DCC: variants seen among roughly 807,000 people sequenced by gnomAD.
DCC encodes the protein netrin receptor DCC.
Under a neutral mutation model 172.5 loss-of-function variants are expected in DCC, and 58 were observed. The ratio of observed to expected loss-of-function variants is 0.34; its 90% confidence interval spans 0.27 to 0.42. DCC has a LOEUF of 0.42. Ranked by LOEUF, DCC falls within the 10% of genes least tolerant of loss-of-function variation. DCC has a pLI of 1.00. For synonymous variants in DCC, 709 were observed against 644.5 expected (o/e 1.10, Z -1.52); for missense variants, 1,740 against 1,791.0 (o/e 0.97, Z 0.51).
chr18:52,958,320 CA>C (rs1175161072), intron 5 of DCC, among the ~76,000 whole-genome samples: 1 of 151,672 alleles, frequency 6.6e-6, no homozygotes, highest in Non-Finnish European at 1.5e-5. Flanking sequence ...GAAATCTATC[CA>C]AAAATGTATT....
At chr18:52,539,740 A>C (rs1177632287) in intron 1 of DCC, among the ~76,000 whole-genome samples, 1 of 152,218 alleles carries the variant, frequency 6.6e-6, no homozygotes, top group Non-Finnish European at 1.5e-5. Flanking sequence ...TATTCTGGAA[A>C]ATTGCTTAGA....
intron 1 of DCC, among the ~76,000 whole-genome samples, chr18:52,422,525 G>T (rs1342693814): frequency 6.6e-6 from 1 of 152,130 alleles, no homozygotes; most frequent in Non-Finnish European, 1.5e-5. Context: ...GGTTGCCCCA[G>T]AGTAAGGAAG....
At chr18:53,328,638 G>A (rs2057495415) in intron 14 of DCC, among the ~76,000 whole-genome samples, 1 of 152,018 alleles carries the variant, frequency 6.6e-6, no homozygotes, top group South Asian at 2.1e-4. Flanking sequence ...GGGTTCAAGT[G>A]ATTCTCCTGC....
intron 1 of DCC, among the ~76,000 whole-genome samples, chr18:52,666,176 G>C (rs1011912249): frequency 9.2e-5 from 14 of 152,022 alleles, no homozygotes; most frequent in Non-Finnish European, 1.9e-4. Flanking sequence ...ACCTGTAATC[G>C]CAGCTACTCG....
intron 15 of DCC, among the ~76,000 whole-genome samples, chr18:53,378,906 C>A (rs1223129575): frequency 2.0e-5 from 3 of 152,116 alleles, no homozygotes; most frequent in African/African-American, 4.8e-5. Context: ...AAATCTTTAT[C>A]AGGATGCCAT....
At chr18:52,527,682 C>T (rs1035301215) in intron 1 of DCC, among the ~76,000 whole-genome samples, 1 of 152,196 alleles carries the variant, frequency 6.6e-6, no homozygotes, top group Non-Finnish European at 1.5e-5. Flanking sequence ...CAAACTATCA[C>T]TATTTTATTT....
intron 26 of DCC, among the ~76,000 whole-genome samples, chr18:53,496,637 G>C (rs1598807034): frequency 1.3e-5 from 2 of 152,206 alleles, no homozygotes; most frequent in South Asian, 4.1e-4. Flanking sequence ...GTAGGCTTCA[G>C]AAGGTGGGTA....
intron 1 of DCC, among the ~76,000 whole-genome samples, chr18:52,719,707 G>T (rs2036443649): frequency 6.6e-6 from 1 of 152,186 alleles, no homozygotes; most frequent in Non-Finnish European, 1.5e-5. Context: ...TTGATGTGGG[G>T]TCTGTCAGAA....
At chr18:53,134,175 G>A (rs117035834) in intron 7 of DCC, among the ~76,000 whole-genome samples, 1 of 152,082 alleles carries the variant, frequency 6.6e-6, no homozygotes, top group African/African-American at 2.4e-5. Context: ...TGTACTGCAG[G>A]TTTATTAGAA....
chr18:52,361,339 A>C (rs1984609028), intron 1 of DCC, among the ~76,000 whole-genome samples: 3 of 152,128 alleles, frequency 2.0e-5, no homozygotes, highest in African/African-American at 7.2e-5. Flanking sequence ...AAATTTGTGG[A>C]AAGTTAATGT....
chr18:53,219,275 C>T (rs1374586406), intron 12 of DCC, among the ~76,000 whole-genome samples: 1 of 152,134 alleles, frequency 6.6e-6, no homozygotes, highest in Non-Finnish European at 1.5e-5. Flanking sequence ...TCTCTAAAAT[C>T]TCCTGTGGCT....
chr18:52,407,736 A>T (rs906475757), intron 1 of DCC, among the ~76,000 whole-genome samples: 7 of 151,470 alleles, frequency 4.6e-5, no homozygotes, highest in African/African-American at 1.5e-4. Context: ...CAGAGATTTC[A>T]AAGTGTTCTC....
intron 9 of DCC, among the ~76,000 whole-genome samples, chr18:53,199,493 T>C (rs1195984624): frequency 6.6e-6 from 1 of 152,166 alleles, no homozygotes; most frequent in Admixed American, 6.6e-5. Context: ...TATACTAAAA[T>C]ATACTTTATG....
intron 5 of DCC, among the ~76,000 whole-genome samples, chr18:52,945,275 A>G (rs1189733321): frequency 1.3e-5 from 2 of 152,220 alleles, no homozygotes; most frequent in African/African-American, 4.8e-5. Flanking sequence ...CTTAAGATAG[A>G]TGATCTTTAT....
chr18:53,145,275 C>T (rs1354504045), intron 7 of DCC, among the ~76,000 whole-genome samples: 2 of 151,886 alleles, frequency 1.3e-5, no homozygotes, highest in African/African-American at 2.4e-5. Flanking sequence ...CACCACGCCC[C>T]GCTAATTGTT....
At chr18:52,720,684 A>G (rs2036459552) in intron 1 of DCC, among the ~76,000 whole-genome samples, 1 of 152,182 alleles carries the variant, frequency 6.6e-6, no homozygotes, top group Non-Finnish European at 1.5e-5. Context: ...GAAAGGTGAG[A>G]AATTTAAGGA....
At chr18:52,851,788 G>A (rs557968531) in intron 2 of DCC, among the ~76,000 whole-genome samples, 1 of 152,130 alleles carries the variant, frequency 6.6e-6, no homozygotes, top group African/African-American at 2.4e-5. Context: ...TCTAGCTGCT[G>A]GATATTGAAA....
chr18:52,361,457 G>T (rs1014343475), intron 1 of DCC, among the ~76,000 whole-genome samples: 2 of 152,134 alleles, frequency 1.3e-5, no homozygotes, highest in African/African-American at 4.8e-5. Context: ...TTGTTATTTA[G>T]ACAACAAAAG....
At chr18:52,907,307 C>CACATGGATATATACATATGT (rs2039899996) in intron 3 of DCC, among the ~76,000 whole-genome samples, 1 of 101,516 alleles carries the variant, frequency 9.9e-6, no homozygotes, top group Admixed American at 1.2e-4. Context: ...TGGATATATA[C>CACATGGATATATACATATGT]ATATGTATAT....
Sources: gnomAD v4.1 joint callset for allele counts (sites outside exome capture counted in the v4.1 genomes callset) on GRCh38, gnomAD v4.1.1 for gene constraint, MANE v1.5 for transcripts, NCBI Gene and HGNC (gene_info 2026-07-23, HGNC 2026-07-21) for gene names.